The following SPATS2L variants were observed in gnomAD, a reference collection of about 807,000 sequenced individuals.
SPATS2L encodes the protein spermatogenesis associated serine rich 2 like, also known as SPATS2-like protein.
Under a neutral mutation model 59.6 loss-of-function variants are expected in SPATS2L, and 30 were observed. The observed-to-expected ratio is 0.50, with a 90% confidence interval of 0.38 to 0.68. The LOEUF is 0.68. SPATS2L is among the 30% of genes least tolerant of loss of function. SPATS2L has a pLI of 0.00. For synonymous variants in SPATS2L, 252 were observed against 263.5 expected (o/e 0.96, Z 0.42); for missense variants, 615 against 700.0 (o/e 0.88, Z 1.37).
intron 2 of SPATS2L, among the ~76,000 whole-genome samples, chr2:200,341,754 A>T (rs2080334383): frequency 6.8e-6 from 1 of 147,122 alleles, no homozygotes; most frequent in African/African-American, 2.5e-5. Context: ...CAGTGGTGGG[A>T]TCTCAGCTCA....
At chr2:200,468,389 C>T (rs141741914) in intron 10 of SPATS2L, among the ~76,000 whole-genome samples, 12 of 151,530 alleles carry the variant, frequency 7.9e-5, no homozygotes, top group Admixed American at 5.3e-4. Context: ...CGCCTTCCAG[C>T]TTCTTACCCA....
intron 1 of SPATS2L, among the ~76,000 whole-genome samples, chr2:200,320,299 A>G (rs1408842250): frequency 6.6e-6 from 1 of 152,226 alleles, no homozygotes; most frequent in East Asian, 1.9e-4. Context: ...CTTCTGAAAA[A>G]TTTCTTGAAA....
rs992081290 is a variant in SPATS2L at position 200,478,746 on chromosome 2, C to G, written c.*715C>G. The G allele has an allele frequency of 1.3e-5, 2 of 152,312 alleles. No homozygotes were observed. Among genetic ancestry groups the G allele is most frequent in the African/African-American group, 4.8e-5 (2 of 41,452 alleles). 9.4% of individuals were successfully genotyped at this position (152,312 alleles called of 1,614,324 possible). A position where few individuals can be genotyped will look rare whatever the true frequency, so the allele number is the denominator to read the frequency against. The stretch of plus-strand genomic sequence containing the variant: ...ATATGCACCCTGATCATCTTAGACA[C>G]ACCATGTGGCAGTTGGGCAGTTGGA... On this transcript the variant is annotated 3_prime_UTR_variant, in exon 13 of 13. Coordinates refer to ENST00000409140, the MANE Select transcript of SPATS2L (RefSeq NM_001100423.2).
intron 12 of SPATS2L, 140 bp downstream of exon 12, chr2:200,473,192 C>G: frequency 1.3e-6 from 1 of 780,368 alleles, no homozygotes; most frequent in Non-Finnish European, 2.0e-6. Context: ...CCACTCCCCA[C>G]CCAGCAGCAC....
chr2:200,356,166 TG>T (rs1365470837), intron 2 of SPATS2L, among the ~76,000 whole-genome samples: 1 of 152,188 alleles, frequency 6.6e-6, no homozygotes, highest in Non-Finnish European at 1.5e-5. Context: ...ATCTATAAAG[TG>T]TATTGGAATT....
intron 2 of SPATS2L, among the ~76,000 whole-genome samples, chr2:200,361,741 T>A (rs1477409771): frequency 2.0e-5 from 3 of 152,250 alleles, no homozygotes; most frequent in Non-Finnish European, 4.4e-5. Context: ...GTTTTTCACA[T>A]ACCACTTTAG....
chr2:200,472,705 A>G, intron 11 of SPATS2L, 127 bp from the exon 12 acceptor site: 1 of 797,002 alleles, frequency 1.3e-6, no homozygotes. Flanking sequence ...ATCTTTCAAA[A>G]GAAAACTTTT....
chr2:200,315,765 T>C (rs1275468207), intron 1 of SPATS2L, among the ~76,000 whole-genome samples: 1 of 150,806 alleles, frequency 6.6e-6, no homozygotes, highest in Non-Finnish European at 1.5e-5. Flanking sequence ...GCATACGGAC[T>C]GTCAGAAAGA....
intron 10 of SPATS2L, among the ~76,000 whole-genome samples, chr2:200,468,608 C>G (rs923970006): frequency 2.6e-5 from 4 of 152,184 alleles, no homozygotes; most frequent in African/African-American, 7.2e-5. Flanking sequence ...TTTCCCTCCT[C>G]AGCTTCTCTG....
At chr2:200,435,641 C>T (rs1243680283) in intron 6 of SPATS2L, among the ~76,000 whole-genome samples, 1 of 152,054 alleles carries the variant, frequency 6.6e-6, no homozygotes, top group Non-Finnish European at 1.5e-5. Flanking sequence ...ACATACATCA[C>T]CCTGTCACCA....
intron 2 of SPATS2L, among the ~76,000 whole-genome samples, chr2:200,375,419 A>G (rs924030984): frequency 6.6e-6 from 1 of 152,200 alleles, no homozygotes; most frequent in African/African-American, 2.4e-5. Context: ...AAATAAAATC[A>G]GTAAAAGATG....
chr2:200,388,639 C>A (rs2082073076), intron 2 of SPATS2L, among the ~76,000 whole-genome samples: 4 of 136,186 alleles, frequency 2.9e-5, no homozygotes, highest in Admixed American at 7.4e-5. Context: ...AAAAAGACTA[C>A]AGGAAAGGAA....
intron 1 of SPATS2L, among the ~76,000 whole-genome samples, chr2:200,326,200 C>T (rs2079735086): frequency 6.6e-6 from 1 of 152,156 alleles, no homozygotes; most frequent in Non-Finnish European, 1.5e-5. Context: ...TAGCCTTGAA[C>T]TCTGGGCTAA....
chr2:200,378,268 A>G, intron 2 of SPATS2L: 1 of 1,002,524 alleles, frequency 1.0e-6, no homozygotes, highest in Middle Eastern at 2.8e-4. Context: ...GCAAGTTGAT[A>G]AAGGTGGCCA....
intron 5 of SPATS2L, among the ~76,000 whole-genome samples, chr2:200,418,651 T>TGGGACTTCCTAGACAATGAC (rs940610682): frequency 4.6e-5 from 7 of 152,050 alleles, no homozygotes; most frequent in African/African-American, 1.4e-4. Context: ...TGTGGCTACC[T>TGGGACTTCCTAGACAATGAC]GGGACTTCCT....
At chr2:200,416,273 C>CAAAAAAAAAAAAAAAAAAAAAAAAAACA in intron 4 of SPATS2L, 106 bp from the exon 5 acceptor site, 1 of 318,468 alleles carries the variant, frequency 3.1e-6, no homozygotes, top group East Asian at 5.0e-5. Context: ...ATGAAAAAGC[C>CAAAAAAAAAAAAAAAAAAAAAAAAAACA]AAAAAAAAAA....
chr2:200,321,982 A>G (rs1031280445), intron 1 of SPATS2L, among the ~76,000 whole-genome samples: 3 of 152,204 alleles, frequency 2.0e-5, no homozygotes, highest in Non-Finnish European at 2.9e-5. Flanking sequence ...CCATTCTGGC[A>G]TGTAGTTCAT....
chr2:200,440,586 G>A, intron 7 of SPATS2L, 63 bp from the exon 8 acceptor site: 1 of 1,523,232 alleles, frequency 6.6e-7, no homozygotes, highest in Non-Finnish European at 9.0e-7. Flanking sequence ...TTGTTTTGTT[G>A]TTTAGCTTAC....
intron 6 of SPATS2L, among the ~76,000 whole-genome samples, chr2:200,436,617 T>C (rs751158894): frequency 6.6e-5 from 10 of 152,250 alleles, no homozygotes; most frequent in Non-Finnish European, 1.2e-4. Context: ...TTAATGAGCC[T>C]ATGCTCATTT....
Sources: allele counts gnomAD v4.1 joint callset (sites outside exome capture counted in the v4.1 genomes callset), GRCh38; gene constraint gnomAD v4.1.1; transcripts MANE v1.5; gene names NCBI Gene and HGNC (gene_info 2026-07-23, HGNC 2026-07-21).